MAN2B2: variants seen among roughly 807,000 people sequenced by gnomAD.
MAN2B2 encodes the protein mannosidase alpha class 2B member 2.
Under a neutral mutation model 117.1 loss-of-function variants are expected in MAN2B2, and 106 were observed. The ratio of observed to expected loss-of-function variants is 0.90; its 90% CI spans 0.77 to 1.06. The LOEUF (loss-of-function observed/expected upper bound fraction) is 1.06, where lower values mean the gene tolerates loss of function less well. MAN2B2 is among the 50% of genes least tolerant of loss of function. The pLI, the probability that MAN2B2 is intolerant of heterozygous loss-of-function variation, is 0.00. For missense variants in MAN2B2, 1,326 were observed against 1,381.4 expected (o/e 0.96, Z 0.64); for synonymous variants, 544 against 595.1 (o/e 0.91, Z 1.25).
chr4:6,617,551 C>A, intron 17 of MAN2B2, 59 bp downstream of exon 17: 1 of 1,597,962 alleles, frequency 6.3e-7, no homozygotes, highest in Non-Finnish European at 8.5e-7. Context: ...TAGATGAAGC[C>A]CCAAGAAACT....
intron 8 of MAN2B2, among the ~76,000 whole-genome samples, chr4:6,597,551 G>A (rs1472134325): frequency 6.6e-6 from 1 of 152,254 alleles, no homozygotes; most frequent in Non-Finnish European, 1.5e-5. Flanking sequence ...AGGGATAAAG[G>A]ACAAGGTGGA....
At chr4:6,594,439 GGGAGGGCAGCTGGT>G in intron 6 of MAN2B2, 81 bp from the exon 7 acceptor site, 2 of 1,296,250 alleles carry the variant, frequency 1.5e-6, no homozygotes, top group Non-Finnish European at 2.2e-6. Flanking sequence ...CTTGGAGACT[GGGAGGGCAGCTGGT>G]GGAGGGCAGC....
At chr4:6,617,177 CTCCCACCAGG>C (rs779610721) in intron 16 of MAN2B2, among the ~76,000 whole-genome samples, 193 bp from the exon 17 acceptor site, 1 of 152,178 alleles carries the variant, frequency 6.6e-6, no homozygotes, top group Non-Finnish European at 1.5e-5. Context: ...ATTCAATTAC[CTCCCACCAGG>C]TCCCTCCCAC....
At chr4:6,612,809 C>T (rs890022386) in intron 15 of MAN2B2, among the ~76,000 whole-genome samples, 3 of 152,254 alleles carry the variant, frequency 2.0e-5, no homozygotes, top group African/African-American at 7.2e-5. Context: ...TTGCAAGTAA[C>T]GGAAACCCAA....
rs770328400 is a variant in MAN2B2 at position 6,610,871 on chromosome 4, T to C, written c.2260-9T>C. ...CCAATCGCCCACCTGGCGATGTTTC[T>C]GTCTGCAGAATTACTACCCCATGGT... On this transcript the variant is annotated splice_polypyrimidine_tract_variant and intron_variant, in intron 13 of 18. Transcript: ENST00000285599. 1 of 1,613,864 alleles carries C rather than the reference T, an allele frequency of 6.2e-7. No individual in the cohort carries two copies.
intron 13 of MAN2B2, 61 bp downstream of exon 13, chr4:6,610,111 C>T: frequency 6.3e-7 from 1 of 1,595,050 alleles, no homozygotes; most frequent in Middle Eastern, 1.7e-4. Flanking sequence ...ACCCATTAAG[C>T]ATCAAATTGC....
chr4:6,612,547 C>T (rs1711620079), intron 15 of MAN2B2, among the ~76,000 whole-genome samples: 1 of 152,240 alleles, frequency 6.6e-6, no homozygotes, highest in Non-Finnish European at 1.5e-5. Context: ...CAGCTCTAGG[C>T]ATATCAGGAG....
Position 6,587,750 on chromosome 4 carries a change from G to GTTTTTT in MAN2B2, c.564+599_564+604dup, listed in dbSNP as rs201846526. On this transcript the variant is annotated intron_variant, in intron 4 of 18. Transcript: ENST00000285599. ...GTTTTTTGGGGTCTTTTGGGTTGTT[G>GTTTTTT]TTTTTTTTTTTTTTTTTTTTTTGAG... Among the ~76,000 whole-genome samples the GTTTTTT allele has an allele frequency of 6.5e-3, 738 of 113,332 alleles. 21 individuals are homozygous for GTTTTTT. The highest frequency in any genetic ancestry group is 0.018 in the African/African-American group (484 of 26,316). 74.4% of individuals were successfully genotyped at this position (113,332 alleles called of 152,430 possible). A position where few individuals can be genotyped will look rare whatever the true frequency, so the allele number is the denominator to read the frequency against.
chr4:6,614,423 A>G, intron 16 of MAN2B2, 68 bp downstream of exon 16: 2 of 1,569,560 alleles, frequency 1.3e-6, no homozygotes, highest in South Asian at 1.1e-5. Context: ...CACCGGGCCC[A>G]CCACCAGACA....
chr4:6,597,292 G>A lies in MAN2B2; in HGVS notation c.1237G>A (p.Ala413Thr), dbSNP rs757856721. 1.9e-6 allele frequency: 3 copies of A among 1,551,170 alleles called. No homozygotes were observed. The highest frequency in any genetic ancestry group is 2.6e-6 in the Non-Finnish European group (3 of 1,148,198). The change falls in exon 8 of 19, where the codon GCC becomes ACC. Residue 413 changes from alanine to threonine, a missense_variant. By Grantham distance (58) the Ala-to-Thr change is moderately conservative. Transcript: ENST00000285599. ...GCAGCAGCTCCAGCAGCTTCGCTGG[G>A]CCGTCTCCGAGGTAACACCACATTT... ...ALQQLQQLRW[A>T]VSEVQHHDAI...
intron 10 of MAN2B2, among the ~76,000 whole-genome samples, chr4:6,601,114 G>T (rs1426823656): frequency 6.6e-6 from 1 of 152,170 alleles, no homozygotes; most frequent in African/African-American, 2.4e-5. Context: ...GAATTCTGGG[G>T]TTCCCATGAT....
rs760424699 is a variant in MAN2B2, at chr4:6,593,160, T to C, written c.681-13T>C. The C allele has an allele frequency of 6.2e-7, 1 of 1,612,320 alleles. No individual in the cohort carries two copies. The highest frequency in any genetic ancestry group is 2.2e-5 in the East Asian group (1 of 44,692). Reference sequence around the variant, plus strand: ...GTTCGTGTCTTCTGCCCTAACCTTCTGCCCTCGCACAGGTCAGGATTTTAC... The same window carrying C: ...GTTCGTGTCTTCTGCCCTAACCTTCCGCCCTCGCACAGGTCAGGATTTTAC... On this transcript the variant is annotated splice_polypyrimidine_tract_variant and intron_variant, in intron 5 of 18. Coordinates refer to ENST00000285599, the MANE Select transcript of MAN2B2 (RefSeq NM_015274.3).
chr4:6,579,852 C>T (rs946301449), intron 3 of MAN2B2, among the ~76,000 whole-genome samples: 5 of 152,254 alleles, frequency 3.3e-5, no homozygotes, highest in Non-Finnish European at 7.3e-5. Context: ...TTCACAGTGA[C>T]ACCCCAGCCA....
intron 5 of MAN2B2, among the ~76,000 whole-genome samples, chr4:6,591,833 T>C (rs1313065382): frequency 6.6e-6 from 1 of 152,138 alleles, no homozygotes; most frequent in Non-Finnish European, 1.5e-5. Context: ...TTCACATTCC[T>C]GGCTTGCTGT....
rs1269573315 is a variant in MAN2B2 at position 6,589,214 on chromosome 4, C to T, written c.680+54C>T. 6 of 1,315,420 alleles carry T rather than the reference C, an allele frequency of 4.6e-6. No individual in the cohort carries two copies. In the African/African-American group the frequency reaches 5.8e-5, roughly 13 times the overall value. The allele number at this position is 1,315,420 out of a possible 1,614,324, so 81.5% of individuals were successfully genotyped here. On this transcript the variant is annotated intron_variant, in intron 5 of 18. Coordinates refer to ENST00000285599, the MANE Select transcript of MAN2B2 (RefSeq NM_015274.3). Reference sequence around the variant, plus strand: ...ATCTCAGACAGCAGGGTCTGCCCAGCCCCTGCAGCTGTTCTGCAGTTTTGT... The same window carrying T: ...ATCTCAGACAGCAGGGTCTGCCCAGTCCCTGCAGCTGTTCTGCAGTTTTGT...
In MAN2B2 at chr4:6,578,010, C is replaced by G. The variant is rs189556338; in HGVS notation, c.286-383C>G. ...CTGAGGTGTGTAGTGTCTAGGGCAA[C>G]AAAGGTGTTATGTGTGTAGAGACGG... is the stretch of plus-strand genomic sequence containing the variant. On this transcript the variant is annotated intron_variant, in intron 2 of 18. Coordinates refer to ENST00000285599, the MANE Select transcript of MAN2B2 (RefSeq NM_015274.3). Among the ~76,000 whole-genome samples the G allele has an allele frequency of 3.5e-4, 53 of 152,212 alleles. 1 individual carries two copies. The highest frequency in any genetic ancestry group is 8.8e-5 in the Non-Finnish European group (6 of 68,026).
In MAN2B2 at chr4:6,583,139, C is replaced by T. The variant is rs909037851; in HGVS notation, c.392-3857C>T. Among the ~76,000 whole-genome samples, 10 of 152,184 alleles carry T rather than the reference C, an allele frequency of 6.6e-5. 1 individual carries two copies. Among genetic ancestry groups the T allele is most frequent in the Admixed American group, 1.3e-4 (2 of 15,274 alleles). ...TGGCTCACCCCACTGAGTTGTCCTT[C>T]CAGCAGCTAGGGGATAGGGAATGGT... On this transcript the variant is annotated intron_variant, in intron 3 of 18. Transcript: ENST00000285599.
chr4:6,609,882 C>A lies in MAN2B2; in HGVS notation c.2091C>A (p.Cys697Ter). 2 of 1,614,148 alleles carry A rather than the reference C, an allele frequency of 1.2e-6. No homozygotes were observed. The highest frequency in any genetic ancestry group is 1.7e-6 in the Non-Finnish European group (2 of 1,180,022). Residue 697 changes from cysteine to a stop codon, truncating the protein, a stop_gained, in exon 13 of 19, where the codon TGC (cysteine) becomes TGA (stop). Coordinates refer to ENST00000285599, the MANE Select transcript of MAN2B2 (RefSeq NM_015274.3). LOFTEE classifies it high-confidence loss of function. ...AGGGCCATGACGGGGAGCTGCTCTG[C>A]CACCGGATAGAGCAGGAGTACCAAG... ...VPQGHDGELLCHRIEQEYQAG... is the reference protein window; with the variant it reads ...VPQGHDGELL
At position 6,614,383 on chromosome 4, in the gene MAN2B2, C is replaced by G. The variant is rs770665070; in HGVS notation, c.2701+28C>G. 7.7e-5 allele frequency: 124 copies of G among 1,606,902 alleles called. 1 individual carries two copies. Among genetic ancestry groups the G allele is most frequent in the Non-Finnish European group, 1.0e-4 (119 of 1,175,056 alleles). On this transcript the variant is annotated intron_variant, in intron 16 of 18. Coordinates refer to ENST00000285599, the MANE Select transcript of MAN2B2 (RefSeq NM_015274.3). The stretch of plus-strand genomic sequence containing the variant: ...GAGGCAGGTGCCCTGGCGTCTCAGA[C>G]CTGCTCCTCCCTCCCTGAGTCAAAC...
Sources: allele counts gnomAD v4.1 joint callset (sites outside exome capture counted in the v4.1 genomes callset), GRCh38; gene constraint gnomAD v4.1.1; transcripts MANE v1.5; gene names NCBI Gene and HGNC (gene_info 2026-07-23, HGNC 2026-07-21).